The following MSH3 variants were observed in gnomAD, a reference collection of about 807,000 sequenced individuals.
The protein encoded by MSH3 is mutS homolog 3.
MSH3 carries 106 observed loss-of-function variants against 123.3 expected under a neutral mutation model. That is an observed-to-expected ratio of 0.86 (90% CI 0.73 to 1.01). The LOEUF (loss-of-function observed/expected upper bound fraction) is 1.01. MSH3 is among the 50% of genes least tolerant of loss of function. The pLI is 0.00. For synonymous variants in MSH3, 515 were observed against 481.4 expected (o/e 1.07, Z -0.91); for missense variants, 1,459 against 1,347.6 (o/e 1.08, Z -1.29).
chr5:80,730,016 C>G (rs1274519060), intron 10 of MSH3, among the ~76,000 whole-genome samples: 1 of 152,124 alleles, frequency 6.6e-6, no homozygotes, highest in East Asian at 1.9e-4. Context: ...CAAAGAAAGG[C>G]AGGTTCCTTG....
Position 80,670,279 on chromosome 5 carries a change from T to A in MSH3, c.762T>A (p.Tyr254Ter), listed in dbSNP as rs1749675730. The change falls in exon 4 of 24, where the codon TAT becomes TAA. Residue 254 changes from tyrosine (Y) to a stop codon, truncating the protein, a stop_gained. Transcript: ENST00000265081. LOFTEE classifies it high-confidence loss of function. ...CAGTTTTGTGTGTGGAATGTGGATA[T>A]AAGTATAGATTCTTTGGGGAAGATG... ...KDAVLCVECG[Y>*]KYRFFGEDAE... The A allele has an allele frequency of 6.2e-7, 1 of 1,614,152 alleles. No homozygotes were observed. The highest frequency in any genetic ancestry group is 2.2e-5 in the East Asian group (1 of 44,862).
In MSH3 at chr5:80,854,247, A is replaced by G. The variant is rs1455859470; in HGVS notation, c.2931A>G (p.Leu977=). The change falls in exon 21 of 24, where the codon CTA becomes CTG. Residue 977 remains leucine, a synonymous_variant. Coordinates refer to ENST00000265081, the MANE Select transcript of MSH3 (RefSeq NM_002439.5). ...AGTCCTTGGTTATCTTGGATGAACT[A>G]GGAAGAGGGACGAGCACTCATGATG... ...TSQSLVILDE[L]GRGTSTHDGI... 1.4e-5 allele frequency: 23 copies of G among 1,613,926 alleles called. No homozygotes were observed. The highest frequency in any genetic ancestry group is 1.9e-5 in the Non-Finnish European group (22 of 1,179,940).
chr5:80,796,066 G>T (rs1245169363), intron 19 of MSH3, among the ~76,000 whole-genome samples: 1 of 151,356 alleles, frequency 6.6e-6, no homozygotes, highest in Non-Finnish European at 1.5e-5. Context: ...CTTTTCTTGA[G>T]AAAGTAATAT....
intron 21 of MSH3, among the ~76,000 whole-genome samples, chr5:80,862,298 G>A (rs188906618): frequency 2.8e-4 from 42 of 152,260 alleles, no homozygotes; most frequent in Non-Finnish European, 5.0e-4. Context: ...CAGAAAGAAG[G>A]CACACATTCA....
In MSH3 at chr5:80,767,923, C is replaced by T. The variant is rs2112884243; in HGVS notation, c.1897-10C>T. ...TTATGCTATTTCATAAAAAATATTT[C>T]TATTTTCAGTGTTCTACCCAAGAGT... On this transcript the variant is annotated splice_polypyrimidine_tract_variant and intron_variant, in intron 13 of 23. Coordinates refer to ENST00000265081, the MANE Select transcript of MSH3 (RefSeq NM_002439.5). The T allele has an allele frequency of 1.3e-6, 2 of 1,581,228 alleles. No individual in the cohort carries two copies. Among genetic ancestry groups the T allele is most frequent in the East Asian group, 2.2e-5 (1 of 44,632 alleles).
chr5:80,781,897 G>A (rs187134218), intron 17 of MSH3, among the ~76,000 whole-genome samples: 4 of 152,244 alleles, frequency 2.6e-5, no homozygotes, highest in East Asian at 1.9e-4. Flanking sequence ...GTAATTGAGA[G>A]TTGCGAAGAG....
At chr5:80,741,600 C>T in intron 11 of MSH3, 52 bp downstream of exon 11, 1 of 1,253,950 alleles carries the variant, frequency 8.0e-7, no homozygotes, top group South Asian at 1.2e-5. Flanking sequence ...GGAAAAACTT[C>T]TGAGTAAGGC....
At chr5:80,665,033 C>T (rs915329041) in intron 2 of MSH3, 110 bp from the exon 3 acceptor site, 7 of 767,270 alleles carry the variant, frequency 9.1e-6, no homozygotes, top group South Asian at 1.7e-5. Context: ...TAGTTAGATT[C>T]ATTGCTTTAT....
rs116914473 is a variant in MSH3 at position 80,790,627 on chromosome 5, G to C, written c.2544-2106G>C. 2.2e-3 allele frequency among the ~76,000 whole-genome samples: 329 copies of C among 152,214 alleles called. 8 individuals are homozygous for C. In the East Asian group the frequency reaches 0.056, roughly 26 times the overall value. On this transcript the variant is annotated intron_variant, in intron 18 of 23. Transcript: ENST00000265081. ...AAGTGAGGGGAGAAATCACTATCAC[G>C]TCATCCTTCTGTTTTCTTCTTGTAT...
At chr5:80,801,660 C>T (rs1330254465) in intron 19 of MSH3, among the ~76,000 whole-genome samples, 1 of 152,188 alleles carries the variant, frequency 6.6e-6, no homozygotes, top group South Asian at 2.1e-4. Context: ...TTCATGCAAA[C>T]GAATTCCACA....
At chr5:80,869,196 G>T (rs1050241394) in intron 22 of MSH3, among the ~76,000 whole-genome samples, 5 of 152,178 alleles carry the variant, frequency 3.3e-5, no homozygotes, top group African/African-American at 1.2e-4. Flanking sequence ...TTATTTGTCA[G>T]TACACATCTC....
At chr5:80,801,642 C>G (rs1409442074) in intron 19 of MSH3, among the ~76,000 whole-genome samples, 1 of 152,184 alleles carries the variant, frequency 6.6e-6, no homozygotes, top group Admixed American at 6.5e-5. Flanking sequence ...ACCACTTTTC[C>G]CAGGTACTTC....
chr5:80,678,401 T>A (rs1749888885), intron 7 of MSH3, among the ~76,000 whole-genome samples: 1 of 152,228 alleles, frequency 6.6e-6, no homozygotes, highest in Non-Finnish European at 1.5e-5. Context: ...TCATTCAGAG[T>A]TTGATAAAGT....
In MSH3 at chr5:80,802,010, A is replaced by G. The variant is rs193101060; in HGVS notation, c.2655+9166A>G. ...ATTTTTGTATAATACTTGACATAGT[A>G]TGCATTCAATGAACAAATGGTTGTT... is the stretch of plus-strand genomic sequence containing the variant. On this transcript the variant is annotated intron_variant, in intron 19 of 23. Coordinates refer to ENST00000265081, the MANE Select transcript of MSH3 (RefSeq NM_002439.5). Among the ~76,000 whole-genome samples the G allele has an allele frequency of 5.5e-3, 838 of 152,348 alleles. 6 individuals are homozygous for G. The highest frequency in any genetic ancestry group is 9.1e-3 in the Non-Finnish European group (618 of 68,028).
intron 8 of MSH3, among the ~76,000 whole-genome samples, chr5:80,708,908 G>A (rs754866571): frequency 2.4e-4 from 37 of 151,842 alleles, no homozygotes; most frequent in Admixed American, 4.6e-4. Flanking sequence ...TCGAATAGCT[G>A]GGATTACAGG....
chr5:80,752,132 A>G (rs1743850618), intron 12 of MSH3, among the ~76,000 whole-genome samples: 1 of 151,978 alleles, frequency 6.6e-6, no homozygotes, highest in African/African-American at 2.4e-5. Context: ...TGAAAAAGAA[A>G]CATTTATATA....
At chr5:80,817,379 AAAGAGTGAGTTAG>A in intron 20 of MSH3, among the ~76,000 whole-genome samples, 1 of 152,208 alleles carries the variant, frequency 6.6e-6, no homozygotes, top group Middle Eastern at 3.4e-3. Context: ...AAAGAGGGCT[AAAGAGTGAGTTAG>A]AGGTCAGGAA....
intron 18 of MSH3, among the ~76,000 whole-genome samples, chr5:80,789,554 A>G (rs1744573298): frequency 6.6e-6 from 1 of 152,068 alleles, no homozygotes; most frequent in African/African-American, 2.4e-5. Flanking sequence ...TATTTTTGGT[A>G]GAGATGGGGT....
intron 9 of MSH3, 125 bp downstream of exon 9, chr5:80,725,690 A>AACAACAGTGAG: frequency 1.4e-6 from 1 of 730,280 alleles, no homozygotes; most frequent in Non-Finnish European, 2.4e-6. Flanking sequence ...AGAAGAGCTC[A>AACAACAGTGAG]CTGTTGTTGT....
Sources: gnomAD v4.1 joint callset for allele counts (sites outside exome capture counted in the v4.1 genomes callset) on GRCh38, gnomAD v4.1.1 for gene constraint, MANE v1.5 for transcripts, NCBI Gene and HGNC (gene_info 2026-07-23, HGNC 2026-07-21) for gene names.